INO80D: variants seen among roughly 807,000 people sequenced by gnomAD.
INO80D encodes the protein INO80 complex subunit D.
In INO80D, 21 loss-of-function variants were observed where a neutral mutation model predicts 87.6. That is an observed-to-expected ratio of 0.24 (90% CI 0.17 to 0.35). INO80D has a LOEUF of 0.35. INO80D is among the 10% of genes least tolerant of loss of function. The pLI is 1.00. For synonymous variants in INO80D, 440 were observed against 491.0 expected (o/e 0.90, Z 1.37); for missense variants, 982 against 1,280.7 (o/e 0.77, Z 3.56).
At chr2:206,063,825 T>A (rs1197953540) in intron 1 of INO80D, 1 of 152,174 alleles carries the variant, frequency 6.6e-6, no homozygotes, top group Non-Finnish European at 1.5e-5. Context: ...AGGTAGCAGG[T>A]CTCTTTTTCA....
At chr2:206,024,690 G>T (rs895302474) in intron 6 of INO80D, among the ~76,000 whole-genome samples, 1 of 151,978 alleles carries the variant, frequency 6.6e-6, no homozygotes, top group African/African-American at 2.4e-5. Flanking sequence ...CAAAAAACAG[G>T]TATATAAGTA....
At chr2:206,051,718 C>T (rs1689376136) in intron 4 of INO80D, among the ~76,000 whole-genome samples, 2 of 151,886 alleles carry the variant, frequency 1.3e-5, no homozygotes, top group South Asian at 4.2e-4. Flanking sequence ...CCAGGCTGGT[C>T]CCGAACTCCT....
chr2:206,027,801 G>A (rs1373984697), intron 6 of INO80D, among the ~76,000 whole-genome samples: 1 of 152,058 alleles, frequency 6.6e-6, no homozygotes, highest in South Asian at 2.1e-4. Context: ...ATCTATAAAT[G>A]TTACTTTTAA....
At chr2:206,012,464 G>T (rs1271594218) in intron 8 of INO80D, among the ~76,000 whole-genome samples, 1 of 152,176 alleles carries the variant, frequency 6.6e-6, no homozygotes, top group Non-Finnish European at 1.5e-5. Flanking sequence ...ATGGCAAGAA[G>T]GGAGATCAAT....
chr2:206,057,221 G>A (rs1434320189), intron 3 of INO80D, among the ~76,000 whole-genome samples: 2 of 152,178 alleles, frequency 1.3e-5, no homozygotes, highest in Non-Finnish European at 2.9e-5. Flanking sequence ...CTCAGCTACT[G>A]CTTCTCACAT....
chr2:206,031,154 T>C (rs1174134282), intron 5 of INO80D, among the ~76,000 whole-genome samples: 1 of 151,654 alleles, frequency 6.6e-6, no homozygotes, highest in African/African-American at 2.4e-5. Flanking sequence ...CTTGGGAGGC[T>C]GAGGCAGGAG....
At chr2:206,073,560 C>A (rs548334216) in intron 1 of INO80D, among the ~76,000 whole-genome samples, 1 of 152,164 alleles carries the variant, frequency 6.6e-6, no homozygotes, top group South Asian at 2.1e-4. Flanking sequence ...TGTGGCCAGG[C>A]TGGAGTGCAG....
At chr2:206,043,504 T>C (rs1320812517) in intron 5 of INO80D, among the ~76,000 whole-genome samples, 1 of 150,528 alleles carries the variant, frequency 6.6e-6, no homozygotes, top group Admixed American at 6.6e-5. Flanking sequence ...TTCCTTTTTT[T>C]TGAGATGGAG....
At chr2:206,035,518 G>C (rs1315203577) in intron 5 of INO80D, among the ~76,000 whole-genome samples, 1 of 152,060 alleles carries the variant, frequency 6.6e-6, no homozygotes, top group South Asian at 2.1e-4. Flanking sequence ...AATGGTGCTG[G>C]GATAATTGGC....
chr2:206,056,449 G>C lies in INO80D; in HGVS notation c.713C>G (p.Thr238Ser). 1 of 1,614,006 alleles carries C rather than the reference G, an allele frequency of 6.2e-7. No individual in the cohort carries two copies. Among genetic ancestry groups the C allele is most frequent in the South Asian group, 1.1e-5 (1 of 91,080 alleles). ...SVCKSPQPQN[T>S]SLPMQGVAPT... ...TGCCACTCCCTGCATTGGTAGGCTGGTGTTCTGAGGTTGAGGTGACTTGCA... is the reference window on the plus strand; with the variant it reads ...TGCCACTCCCTGCATTGGTAGGCTGCTGTTCTGAGGTTGAGGTGACTTGCA... Residue 238 changes from threonine to serine, a missense_variant, in exon 4 of 11, where the codon ACC becomes AGC. Transcript: ENST00000403263.
rs1239354718 is a variant in INO80D, at chr2:205,996,183, C to T, written c.*8185G>A. On this transcript the variant is annotated 3_prime_UTR_variant, in exon 11 of 11. Coordinates refer to ENST00000403263, the MANE Select transcript of INO80D (RefSeq NM_017759.5). The stretch of plus-strand genomic sequence containing the variant: ...CTCAAAATTCCTATTGATAATATTA[C>T]CAAAACTTGTATCTTCTGGGAAAAT... 1 of 151,872 alleles carries T rather than the reference C, an allele frequency of 6.6e-6. No homozygotes were observed. Among genetic ancestry groups the T allele is most frequent in the African/African-American group, 2.4e-5 (1 of 41,340 alleles). The allele number at this position is 151,872 out of a possible 1,614,324, so 9.4% of individuals were successfully genotyped here. A position where few individuals can be genotyped will look rare whatever the true frequency, so the allele number is the denominator to read the frequency against.
chr2:206,011,862 T>C (rs1466990977), intron 8 of INO80D, among the ~76,000 whole-genome samples: 1 of 152,188 alleles, frequency 6.6e-6, no homozygotes, highest in Non-Finnish European at 1.5e-5. Flanking sequence ...AATGAATAAC[T>C]GTTAGGCAGA....
chr2:206,038,570 G>A (rs566417138), intron 5 of INO80D, among the ~76,000 whole-genome samples: 2 of 152,288 alleles, frequency 1.3e-5, no homozygotes, highest in South Asian at 2.1e-4. Flanking sequence ...AGTGGCTCAC[G>A]CTTGTAATCC....
intron 1 of INO80D, among the ~76,000 whole-genome samples, chr2:206,082,574 G>A (rs1280689239): frequency 6.6e-6 from 1 of 152,216 alleles, no homozygotes; most frequent in African/African-American, 2.4e-5. Flanking sequence ...GCATGTGTAA[G>A]TTAAACTGAC....
chr2:206,015,760 G>A (rs760032164), intron 8 of INO80D, among the ~76,000 whole-genome samples: 3 of 152,166 alleles, frequency 2.0e-5, no homozygotes, highest in Non-Finnish European at 4.4e-5. Context: ...GGTGGCACAC[G>A]CCTGTAATCC....
intron 5 of INO80D, chr2:206,040,285 CA>C (rs35227213): frequency 1.3e-3 from 102 of 80,836 alleles, no homozygotes; most frequent in East Asian, 9.0e-3. Flanking sequence ...GACTCTGTCT[CA>C]AAAAAAAAAA....
intron 8 of INO80D, among the ~76,000 whole-genome samples, chr2:206,015,569 C>G (rs572461133): frequency 6.6e-6 from 1 of 152,176 alleles, no homozygotes. Flanking sequence ...TGGGAACCTC[C>G]GCCTAGAATA....
At chr2:206,035,446 C>CA (rs1296966306) in intron 5 of INO80D, among the ~76,000 whole-genome samples, 2 of 152,148 alleles carry the variant, frequency 1.3e-5, no homozygotes, top group African/African-American at 4.8e-5. Context: ...CAAATACTTA[C>CA]ATCCAACTAA....
chr2:206,074,893 C>T (rs1290489967), intron 1 of INO80D, among the ~76,000 whole-genome samples: 2 of 151,964 alleles, frequency 1.3e-5, no homozygotes, highest in East Asian at 1.9e-4. Context: ...GAGCCGAGAT[C>T]GCTCCATTGC....
Sources: allele counts gnomAD v4.1 joint callset (sites outside exome capture counted in the v4.1 genomes callset), GRCh38; gene constraint gnomAD v4.1.1; transcripts MANE v1.5; gene names NCBI Gene and HGNC (gene_info 2026-07-23, HGNC 2026-07-21).